The following SPOCK1 variants were observed in gnomAD, a reference collection of about 807,000 sequenced individuals.
The protein encoded by SPOCK1 is testican-1.
In SPOCK1, 23 loss-of-function variants were observed where a neutral mutation model predicts 55.3. The ratio of observed to expected loss-of-function variants is 0.42; its 90% CI spans 0.30 to 0.59. The LOEUF is 0.59. Among genes scored for constraint, SPOCK1 ranks in the 20% least tolerant of loss-of-function variants. SPOCK1 has a pLI of 0.22. For synonymous variants in SPOCK1, 226 were observed against 221.0 expected, an observed-to-expected ratio of 1.02 and a Z score of -0.20; for missense variants, 499 against 552.5, an observed-to-expected ratio of 0.90 and a Z score of 0.97.
intron 2 of SPOCK1, among the ~76,000 whole-genome samples, chr5:137,454,367 C>T (rs926794132): frequency 3.3e-5 from 5 of 152,092 alleles, no homozygotes; most frequent in East Asian, 1.9e-4. Context: ...GAAACACATT[C>T]GGAGGATCAC....
rs566600683 is a variant in SPOCK1, at chr5:137,444,582, C to T, written c.186+53791G>A. 1.7e-4 allele frequency among the ~76,000 whole-genome samples: 26 copies of T among 152,292 alleles called. 1 individual carries two copies. Among genetic ancestry groups the T allele is most frequent in the African/African-American group, 5.8e-4 (24 of 41,560 alleles). On this transcript the variant is annotated intron_variant, in intron 2 of 10. Coordinates refer to ENST00000394945, the MANE Select transcript of SPOCK1 (RefSeq NM_004598.4). The stretch of plus-strand genomic sequence containing the variant: ...GCCTCCAAGGAGATCAAAACCAAAC[C>T]TCAGCAACAAGCTCCTGAGATACAG...
chr5:137,000,318 G>A (rs890009292), intron 6 of SPOCK1, among the ~76,000 whole-genome samples: 4 of 152,176 alleles, frequency 2.6e-5, no homozygotes, highest in African/African-American at 9.7e-5. Flanking sequence ...GCCTTCCTTA[G>A]AGCAGTGATG....
intron 3 of SPOCK1, among the ~76,000 whole-genome samples, chr5:137,202,839 C>T (rs2127077113): frequency 6.6e-6 from 1 of 152,324 alleles, no homozygotes; most frequent in South Asian, 2.1e-4. Flanking sequence ...CATCCATATT[C>T]ATTGTAAGCC....
At chr5:137,382,738 G>A (rs1173532101) in intron 2 of SPOCK1, among the ~76,000 whole-genome samples, 1 of 152,092 alleles carries the variant, frequency 6.6e-6, no homozygotes, top group Non-Finnish European at 1.5e-5. Context: ...AATCACCTCT[G>A]ACCAGGCTCC....
At chr5:137,132,174 C>CA (rs762937224) in intron 4 of SPOCK1, among the ~76,000 whole-genome samples, 982 of 59,108 alleles carry the variant, frequency 0.017, 56 homozygotes, top group African/African-American at 0.044. Flanking sequence ...GACTCTGTCT[C>CA]AAAAAAAAAA....
intron 3 of SPOCK1, among the ~76,000 whole-genome samples, chr5:137,249,558 G>C (rs574111667): frequency 2.0e-5 from 3 of 152,160 alleles, no homozygotes; most frequent in Admixed American, 6.5e-5. Context: ...ATGCAAAAAG[G>C]CTATTAAGAA....
chr5:137,430,297 A>G (rs1752716389), intron 2 of SPOCK1, among the ~76,000 whole-genome samples: 1 of 152,250 alleles, frequency 6.6e-6, no homozygotes, highest in African/African-American at 2.4e-5. Context: ...CAAAGGCTCT[A>G]TTCACAGGTG....
At position 137,489,899 on chromosome 5, in the gene SPOCK1, C is replaced by A. The variant is rs1483929116; in HGVS notation, c.186+8474G>T. Among the ~76,000 whole-genome samples, 3 of 152,178 alleles carry A rather than the reference C, an allele frequency of 2.0e-5. No homozygotes were observed. The East Asian group carries it at 5.8e-4, about 29-fold the overall frequency. ...TCAATGCCCTTCCCAGGGAAGCAGT[C>A]CCCAGCCAAAAAGGTTAATGGGTTC... On this transcript the variant is annotated intron_variant, in intron 2 of 10. Coordinates refer to ENST00000394945, the MANE Select transcript of SPOCK1 (RefSeq NM_004598.4).
intron 2 of SPOCK1, among the ~76,000 whole-genome samples, chr5:137,339,149 T>C (rs544124125): frequency 1.3e-5 from 2 of 152,270 alleles, no homozygotes; most frequent in South Asian, 4.1e-4. Flanking sequence ...CTAAGGGAAG[T>C]AACAAGTTTT....
At chr5:137,100,039 AG>A in intron 5 of SPOCK1, among the ~76,000 whole-genome samples, 1 of 152,310 alleles carries the variant, frequency 6.6e-6, no homozygotes, top group East Asian at 1.9e-4. Context: ...TCGGTATCAG[AG>A]AGTTTTCAGG....
intron 2 of SPOCK1, chr5:137,365,026 T>G (rs773135800): frequency 6.6e-6 from 1 of 152,268 alleles, no homozygotes; most frequent in African/African-American, 2.4e-5. Context: ...CATGTCCAAG[T>G]GCCCAGCATA....
In SPOCK1 at chr5:137,172,155, G is replaced by A. The variant is rs188733673; in HGVS notation, c.233-31461C>T. Among the ~76,000 whole-genome samples, 440 of 152,282 alleles carry A rather than the reference G, an allele frequency of 2.9e-3. 2 individuals carry two copies. The highest frequency in any genetic ancestry group is 9.7e-3 in the African/African-American group (405 of 41,578). On this transcript the variant is annotated intron_variant, in intron 3 of 10. Coordinates refer to ENST00000394945, the MANE Select transcript of SPOCK1 (RefSeq NM_004598.4). ...ACTCACAACATTTCTAAATCTTCCA[G>A]ACAGACAAATAACAAAATAAGATTC...
chr5:137,430,196 A>G (rs1172919692), intron 2 of SPOCK1, among the ~76,000 whole-genome samples: 1 of 152,256 alleles, frequency 6.6e-6, no homozygotes, highest in Non-Finnish European at 1.5e-5. Context: ...TCTTAAAAAG[A>G]TGACATTGCT....
chr5:137,014,963 G>T (rs183572093), intron 6 of SPOCK1, among the ~76,000 whole-genome samples: 1 of 152,320 alleles, frequency 6.6e-6, no homozygotes, highest in Admixed American at 6.5e-5. Context: ...GACTTCTCCA[G>T]AACAGATAGA....
intron 9 of SPOCK1, among the ~76,000 whole-genome samples, chr5:136,982,501 T>G (rs1015616976): frequency 2.0e-5 from 3 of 152,214 alleles, no homozygotes; most frequent in Non-Finnish European, 4.4e-5. Flanking sequence ...TACCTTGTCT[T>G]TTTTCCATAG....
At position 137,384,955 on chromosome 5, in the gene SPOCK1, G is replaced by C. The variant is rs542766112; in HGVS notation, c.186+113418C>G. ...TATGACTTGACCATAACTACTGTAG[G>C]ATGGGGGGGGCGGTGCATAATTCAG... On this transcript the variant is annotated intron_variant, in intron 2 of 10. Coordinates refer to ENST00000394945, the MANE Select transcript of SPOCK1 (RefSeq NM_004598.4). Among the ~76,000 whole-genome samples, 6 of 152,210 alleles carry C rather than the reference G, an allele frequency of 3.9e-5. No individual in the cohort carries two copies. The East Asian group carries it at 1.2e-3, about 29-fold the overall frequency.
intron 2 of SPOCK1, among the ~76,000 whole-genome samples, chr5:137,359,383 T>G (rs1379013491): frequency 6.6e-6 from 1 of 152,214 alleles, no homozygotes; most frequent in Non-Finnish European, 1.5e-5. Flanking sequence ...AAAATATGTT[T>G]GATCCAGAGC....
intron 2 of SPOCK1, among the ~76,000 whole-genome samples, chr5:137,459,164 C>G (rs369486970): frequency 6.6e-6 from 1 of 152,168 alleles, no homozygotes; most frequent in Admixed American, 6.5e-5. Context: ...TGAGGATGTA[C>G]GTGTCGTGTA....
intron 2 of SPOCK1, among the ~76,000 whole-genome samples, chr5:137,417,178 A>C (rs1317437598): frequency 6.6e-6 from 1 of 152,006 alleles, no homozygotes; most frequent in Non-Finnish European, 1.5e-5. Flanking sequence ...CCAAGTTCTT[A>C]ACGTTAATGA....
Sources: gnomAD v4.1 joint callset for allele counts (sites outside exome capture counted in the v4.1 genomes callset) on GRCh38, gnomAD v4.1.1 for gene constraint, MANE v1.5 for transcripts, NCBI Gene and HGNC (gene_info 2026-07-23, HGNC 2026-07-21) for gene names.